The following VTI1A variants were observed in gnomAD, a reference collection of about 807,000 sequenced individuals.
VTI1A encodes the protein vesicle transport through interaction with t-SNAREs 1A, also known as vesicle transport through interaction with t-SNAREs homolog 1A.
Under a neutral mutation model 34.9 loss-of-function variants are expected in VTI1A, and 22 were observed. The observed-to-expected ratio is 0.63, with a 90% CI of 0.45 to 0.90. The LOEUF is 0.90. Among genes scored for constraint, VTI1A ranks in the 40% least tolerant of loss-of-function variants. The pLI is 0.00. For missense variants in VTI1A, 268 were observed against 275.6 expected, an observed-to-expected ratio of 0.97 and a Z score of 0.20; for synonymous variants, 87 against 97.3, an observed-to-expected ratio of 0.89 and a Z score of 0.62.
At chr10:112,466,853 T>C (rs1847913648) in intron 3 of VTI1A, among the ~76,000 whole-genome samples, 2 of 152,120 alleles carry the variant, frequency 1.3e-5, no homozygotes, top group Admixed American at 6.5e-5. Context: ...GAGTTCAAGG[T>C]GTTGGCAGGT....
the VTI1A span, among the ~76,000 whole-genome samples, chr10:112,828,471 T>TCTCAG: frequency 6.6e-6 from 1 of 152,080 alleles, no homozygotes; most frequent in Admixed American, 6.6e-5. Context: ...AGAGGCGCGA[T>TCTCAG]CTCAGCTCAC....
chr10:112,466,336 G>T (rs1454147265), intron 3 of VTI1A, among the ~76,000 whole-genome samples: 2 of 152,078 alleles, frequency 1.3e-5, no homozygotes, highest in African/African-American at 2.4e-5. Context: ...TGCTTGTTTT[G>T]TATGTGAATG....
At chr10:112,703,294 G>A (rs762522090) in intron 7 of VTI1A, among the ~76,000 whole-genome samples, 4 of 152,244 alleles carry the variant, frequency 2.6e-5, no homozygotes, top group African/African-American at 4.8e-5. Context: ...TGGGCCAGGC[G>A]CAGTGGCTCA....
At chr10:112,841,729 T>G in the VTI1A span, among the ~76,000 whole-genome samples, 1 of 152,186 alleles carries the variant, frequency 6.6e-6, no homozygotes. Flanking sequence ...TGCGGCACTC[T>G]ATGGTGGGGG....
chr10:112,697,094 A>G (rs1330691098), intron 7 of VTI1A, among the ~76,000 whole-genome samples: 1 of 152,190 alleles, frequency 6.6e-6, no homozygotes, highest in Non-Finnish European at 1.5e-5. Flanking sequence ...TAGTACTTAT[A>G]CATAAATTAT....
In VTI1A at chr10:112,668,280, C is replaced by T. The variant is rs758329049; in HGVS notation, c.490C>T (p.Arg164Cys). 24 of 1,611,908 alleles carry T rather than the reference C, an allele frequency of 1.5e-5. No individual in the cohort carries two copies. The South Asian group carries it at 1.5e-4, about 10-fold the overall frequency. Residue 164 changes from arginine to cysteine, a missense_variant, in exon 6 of 8, where the codon CGT (arginine) becomes TGT (cysteine). Arg to Cys is a radical substitution (Grantham distance 180). Transcript: ENST00000393077. ...SHDREKIQRA[R>C]ERLRETDANL... ...TGACAGAGAAAAGATACAGCGAGCA[C>T]GTGAAAGAGTAAGTACAATTGATAC...
intron 7 of VTI1A, among the ~76,000 whole-genome samples, chr10:112,746,729 G>A (rs182325183): frequency 3.2e-4 from 49 of 152,144 alleles, no homozygotes; most frequent in African/African-American, 1.1e-3. Flanking sequence ...ATTTTATAAT[G>A]GAAAAAATTC....
At chr10:112,466,376 A>G (rs1847893771) in intron 3 of VTI1A, among the ~76,000 whole-genome samples, 3 of 152,188 alleles carry the variant, frequency 2.0e-5, no homozygotes, top group Admixed American at 2.0e-4. Context: ...GAGGTGGATC[A>G]CATCAATAAC....
In VTI1A at chr10:112,759,734, C is replaced by T. The variant is rs535793274; in HGVS notation, c.561-55556C>T. On this transcript the variant is annotated intron_variant, in intron 7 of 7. Transcript: ENST00000393077. ...GGAACTGCATGCTTTTCTCCTCCCA[C>T]GGAAGCTCCCACCTGCCCTTCCCCA... is the stretch of plus-strand genomic sequence containing the variant. Among the ~76,000 whole-genome samples the T allele has an allele frequency of 5.9e-5, 9 of 152,310 alleles. 1 individual carries two copies. The highest frequency in any genetic ancestry group is 9.6e-5 in the African/African-American group (4 of 41,566).
chr10:112,793,146 A>G (rs10787463), intron 7 of VTI1A, among the ~76,000 whole-genome samples: 81,880 of 152,044 alleles, frequency 0.54, 22,308 homozygotes, highest in South Asian at 0.67. Flanking sequence ...CGGACAGACC[A>G]GGAGTAAGCG....
At chr10:112,528,306 T>A (rs1850308507) in intron 4 of VTI1A, among the ~76,000 whole-genome samples, 1 of 152,188 alleles carries the variant, frequency 6.6e-6, no homozygotes, top group South Asian at 2.1e-4. Context: ...ACAGGGATGT[T>A]GTTTGTGTGA....
At position 112,815,304 on chromosome 10, in the gene VTI1A, G is replaced by T; in HGVS notation, c.575G>T (p.Arg192Leu). The T allele has an allele frequency of 6.8e-6, 11 of 1,612,604 alleles. No individual in the cohort carries two copies. Among genetic ancestry groups the T allele is most frequent in the African/African-American group, 1.3e-5 (1 of 74,750 alleles). Residue 192 changes from arginine to leucine, a missense_variant, in exon 8 of 8, where the codon CGC becomes CTC. Coordinates refer to ENST00000393077, the MANE Select transcript of VTI1A (RefSeq NM_145206.4). Reference protein sequence around the residue: ...TGMLRRIIQNRILLVILGIIV... With the variant: ...TGMLRRIIQNLILLVILGIIV... ...CTGTCTCCTAGAATCATCCAGAACCGCATCCTGCTCGTCATCCTAGGGATC... is the reference window on the plus strand; with the variant it reads ...CTGTCTCCTAGAATCATCCAGAACCTCATCCTGCTCGTCATCCTAGGGATC...
chr10:112,741,186 T>TG (rs1332651142), intron 7 of VTI1A, among the ~76,000 whole-genome samples: 1 of 152,218 alleles, frequency 6.6e-6, no homozygotes, highest in Non-Finnish European at 1.5e-5. Context: ...CCAGGCACGG[T>TG]GGCTCACGCC....
chr10:112,729,615 A>G (rs1490884691), intron 7 of VTI1A, among the ~76,000 whole-genome samples: 1 of 152,238 alleles, frequency 6.6e-6, no homozygotes, highest in Non-Finnish European at 1.5e-5. Context: ...ATACAACAGA[A>G]GTAACAAGAA....
chr10:112,690,055 G>A (rs899936760), intron 7 of VTI1A, among the ~76,000 whole-genome samples: 7 of 152,060 alleles, frequency 4.6e-5, no homozygotes, highest in Non-Finnish European at 1.0e-4. Context: ...CATTTGCATA[G>A]AGCTTTTGAA....
intron 7 of VTI1A, among the ~76,000 whole-genome samples, chr10:112,812,019 G>T (rs1590208263): frequency 6.6e-6 from 1 of 152,226 alleles, no homozygotes. Context: ...AATTCATCTT[G>T]TATCAACAGC....
chr10:112,808,348 G>A (rs1246559385), intron 7 of VTI1A, among the ~76,000 whole-genome samples: 1 of 151,152 alleles, frequency 6.6e-6, no homozygotes, highest in Non-Finnish European at 1.5e-5. Flanking sequence ...GTAAGAGGCT[G>A]GGTGCAGTGC....
intron 3 of VTI1A, among the ~76,000 whole-genome samples, chr10:112,509,807 A>C (rs1849548190): frequency 1.3e-5 from 2 of 152,192 alleles, no homozygotes; most frequent in Admixed American, 1.3e-4. Flanking sequence ...ACATAGGTTT[A>C]AGTTTAATTT....
chr10:112,789,572 T>C (rs963179686), intron 7 of VTI1A, among the ~76,000 whole-genome samples: 1 of 152,218 alleles, frequency 6.6e-6, no homozygotes, highest in Non-Finnish European at 1.5e-5. Flanking sequence ...ATGCTTGATA[T>C]TGTCACACAG....
Sources: gnomAD v4.1 joint callset for allele counts (sites outside exome capture counted in the v4.1 genomes callset) on GRCh38, gnomAD v4.1.1 for gene constraint, MANE v1.5 for transcripts, NCBI Gene and HGNC (gene_info 2026-07-23, HGNC 2026-07-21) for gene names.